The following ARMC2 variants were observed in gnomAD, a reference collection of about 807,000 sequenced individuals.
ARMC2 encodes the protein armadillo repeat-containing protein 2.
Under a neutral mutation model 90.3 loss-of-function variants are expected in ARMC2, and 67 were observed. The observed-to-expected ratio is 0.74, with a 90% CI of 0.61 to 0.91. The LOEUF (loss-of-function observed/expected upper bound fraction) is 0.91, where lower values mean the gene tolerates loss of function less well. Ranked by LOEUF, ARMC2 falls within the 40% of genes least tolerant of loss-of-function variation. The pLI, the probability that ARMC2 is intolerant of heterozygous loss-of-function variation, is 0.00. For synonymous variants in ARMC2, 393 were observed against 393.0 expected, an observed-to-expected ratio of 1.00 and a Z score of 0.00; for missense variants, 920 against 1,030.9, an observed-to-expected ratio of 0.89 and a Z score of 1.47.
At position 108,890,189 on chromosome 6, in the gene ARMC2, C is replaced by CAAAAAAAA. The variant is rs869186045; in HGVS notation, c.672-4245_672-4238dup. Among the ~76,000 whole-genome samples, 108 of 64,234 alleles carry CAAAAAAAA rather than the reference C, an allele frequency of 1.7e-3. 12 individuals are homozygous for CAAAAAAAA. The highest frequency in any genetic ancestry group is 2.1e-3 in the African/African-American group (23 of 11,126). 42.1% of individuals were successfully genotyped at this position (64,234 alleles called of 152,430 possible). On this transcript the variant is annotated intron_variant, in intron 5 of 17. Coordinates refer to ENST00000392644, the MANE Select transcript of ARMC2 (RefSeq NM_032131.6). ...TGGGTGACAGAGCGAGACTCCGTCT[C>CAAAAAAAA]AAAAAAAAAAAAAAAAAAAAAAAAA...
chr6:108,986,271 A>AGAT, the ARMC2 span, among the ~76,000 whole-genome samples: 12 of 152,214 alleles, frequency 7.9e-5, no homozygotes, highest in Non-Finnish European at 1.6e-4. Context: ...AAATGGTCTC[A>AGAT]GATAAGATTC....
At chr6:108,986,433 CAAATA>C in the ARMC2 span, 1 of 152,518 alleles carries the variant, frequency 6.6e-6, no homozygotes, top group African/African-American at 2.4e-5. Context: ...ATTGAGACAG[CAAATA>C]AAATTGGAGA....
the ARMC2 span, among the ~76,000 whole-genome samples, chr6:109,036,494 C>T: frequency 2.0e-5 from 3 of 152,106 alleles, no homozygotes; most frequent in Admixed American, 2.0e-4. Context: ...AAACCAGTTT[C>T]TGATGCTGGG....
At chr6:108,925,569 A>G (rs1775028067) in intron 10 of ARMC2, among the ~76,000 whole-genome samples, 1 of 152,212 alleles carries the variant, frequency 6.6e-6, no homozygotes, top group Admixed American at 6.5e-5. Context: ...GTTGAGAAGG[A>G]ACAGATCTGT....
In ARMC2 at chr6:108,961,613, G is replaced by T. The variant is rs751870519; in HGVS notation, c.1957G>T (p.Ala653Ser). The T allele has an allele frequency of 6.2e-7, 1 of 1,612,310 alleles. No individual in the cohort carries two copies. Among genetic ancestry groups the T allele is most frequent in the East Asian group, 2.2e-5 (1 of 44,854 alleles). Residue 653 changes from alanine (A) to serine (S), a missense_variant, in exon 14 of 18, where the codon GCT becomes TCT. Coordinates refer to ENST00000392644, the MANE Select transcript of ARMC2 (RefSeq NM_032131.6). ...LDDCEELVIN[A>S]TATINNLSYY... is the part of the protein sequence containing the mutation. ...TGATTGTGAGGAGCTGGTGATCAAT[G>T]CTACAGCGACAATCAACAATTTATC... is the stretch of plus-strand genomic sequence containing the variant.
At position 108,888,934 on chromosome 6, in the gene ARMC2, A is replaced by G. The variant is rs189216283; in HGVS notation, c.672-5533A>G. Among the ~76,000 whole-genome samples the G allele has an allele frequency of 4.2e-4, 64 of 152,172 alleles. 1 individual carries two copies. Among genetic ancestry groups the G allele is most frequent in the African/African-American group, 1.4e-3 (58 of 41,506 alleles). ...TCACTTCCTTGTATAAGAACCCATG[A>G]CAGTTCCTTATTGCCTGTCAAATCA... On this transcript the variant is annotated intron_variant, in intron 5 of 17. Transcript: ENST00000392644.
At chr6:109,038,505 C>T in the ARMC2 span, among the ~76,000 whole-genome samples, 1 of 152,038 alleles carries the variant, frequency 6.6e-6, no homozygotes, top group African/African-American at 2.4e-5. Context: ...TCTCAAAAAA[C>T]AAAAAACAAC....
At chr6:109,041,258 G>A in the ARMC2 span, among the ~76,000 whole-genome samples, 2 of 152,002 alleles carry the variant, frequency 1.3e-5, no homozygotes, top group East Asian at 3.9e-4. Context: ...GCTGCAGTGA[G>A]TTGTGATTGT....
the ARMC2 span, among the ~76,000 whole-genome samples, chr6:109,042,807 T>A: frequency 6.6e-6 from 1 of 152,066 alleles, no homozygotes; most frequent in African/African-American, 2.4e-5. Flanking sequence ...CAATTTTACA[T>A]AATATTTTCC....
chr6:109,002,801 C>T, the ARMC2 span, among the ~76,000 whole-genome samples: 1 of 152,174 alleles, frequency 6.6e-6, no homozygotes, highest in Non-Finnish European at 1.5e-5. Context: ...TAAAACAACA[C>T]CTCACGGTTA....
intron 10 of ARMC2, among the ~76,000 whole-genome samples, chr6:108,913,195 TTTAC>T (rs1166445372): frequency 1.3e-5 from 2 of 152,226 alleles, no homozygotes; most frequent in African/African-American, 4.8e-5. Context: ...TAGATGAGAT[TTTAC>T]TTTTTAATAG....
chr6:108,867,810 C>A (rs968596166), intron 3 of ARMC2, among the ~76,000 whole-genome samples: 1 of 150,710 alleles, frequency 6.6e-6, no homozygotes, highest in African/African-American at 2.4e-5. Context: ...TGGCAAGCTC[C>A]TTTAATCCTA....
chr6:108,856,068 T>G (rs1774567187), intron 2 of ARMC2, among the ~76,000 whole-genome samples: 1 of 152,238 alleles, frequency 6.6e-6, no homozygotes, highest in South Asian at 2.1e-4. Flanking sequence ...GAAGTCAAGC[T>G]TATCAATTCT....
intron 3 of ARMC2, among the ~76,000 whole-genome samples, chr6:108,864,709 G>T (rs1485355685): frequency 6.6e-6 from 1 of 152,194 alleles, no homozygotes; most frequent in Non-Finnish European, 1.5e-5. Flanking sequence ...CATAGGATCG[G>T]GGGAGACCCT....
At chr6:108,855,581 G>C (rs1774491208) in intron 2 of ARMC2, among the ~76,000 whole-genome samples, 2 of 152,208 alleles carry the variant, frequency 1.3e-5, no homozygotes, top group African/African-American at 2.4e-5. Context: ...TAAACACCAA[G>C]GAGCATGATT....
chr6:108,977,693 T>G (rs923217731), downstream of ARMC2, among the ~76,000 whole-genome samples: 5 of 152,246 alleles, frequency 3.3e-5, no homozygotes, highest in African/African-American at 1.2e-4. Flanking sequence ...ATTGGTCTAT[T>G]CTGGGATTTA....
chr6:108,937,171 G>A (rs1776022881), intron 12 of ARMC2, among the ~76,000 whole-genome samples, 172 bp downstream of exon 12: 1 of 152,178 alleles, frequency 6.6e-6, no homozygotes, highest in Non-Finnish European at 1.5e-5. Context: ...AGTTGAAGGA[G>A]TTATATGAGT....
chr6:108,909,814 G>A (rs987302903), intron 8 of ARMC2, among the ~76,000 whole-genome samples: 1 of 152,286 alleles, frequency 6.6e-6, no homozygotes, highest in East Asian at 1.9e-4. Context: ...GATTATAGAC[G>A]TGGGCTACTG....
intron 10 of ARMC2, among the ~76,000 whole-genome samples, chr6:108,914,541 C>A (rs1773759142): frequency 6.6e-6 from 1 of 152,150 alleles, no homozygotes; most frequent in Admixed American, 6.5e-5. Context: ...GTGACCCACA[C>A]CCCTGTCTAG....
Sources: allele counts gnomAD v4.1 joint callset (sites outside exome capture counted in the v4.1 genomes callset), GRCh38; gene constraint gnomAD v4.1.1; transcripts MANE v1.5; gene names NCBI Gene and HGNC (gene_info 2026-07-23, HGNC 2026-07-21).